AMD1: variants seen among roughly 807,000 people sequenced by gnomAD.
The protein encoded by AMD1 is adenosylmethionine decarboxylase 1.
AMD1 carries 11 observed loss-of-function variants against 40.2 expected under a neutral mutation model. The observed-to-expected ratio is 0.27, with a 90% confidence interval of 0.17 to 0.45. The LOEUF is 0.45. Ranked by LOEUF, AMD1 falls within the 20% of genes least tolerant of loss-of-function variation. The pLI, the probability that AMD1 is intolerant of heterozygous loss-of-function variation, is 1.00. For missense variants in AMD1, 257 were observed against 410.2 expected (o/e 0.63, Z 3.23); for synonymous variants, 121 against 130.8 (o/e 0.93, Z 0.51).
At chr6:110,885,831 T>C (rs967879982) in intron 1 of AMD1, among the ~76,000 whole-genome samples, 1 of 152,220 alleles carries the variant, frequency 6.6e-6, no homozygotes, top group Admixed American at 6.5e-5. Context: ...AGTAACAGTT[T>C]CTTGTAGCAA....
At chr6:110,847,352 C>T in the AMD1 span, among the ~76,000 whole-genome samples, 3 of 151,896 alleles carry the variant, frequency 2.0e-5, no homozygotes, top group East Asian at 1.9e-4. Context: ...GGTGAAACCC[C>T]GTCTCTACTA....
At chr6:110,860,881 A>AGAG in the AMD1 span, among the ~76,000 whole-genome samples, 1 of 150,466 alleles carries the variant, frequency 6.6e-6, no homozygotes. Context: ...AGAGAGAGAG[A>AGAG]ACAATCACAT....
upstream of AMD1, chr6:110,874,739 T>TG (rs765897162): frequency 3.7e-4 from 62 of 166,242 alleles, no homozygotes; most frequent in East Asian, 1.2e-3. Flanking sequence ...CCTGGTCTTT[T>TG]GGGGGGAGCC....
At chr6:110,816,591 A>C in the AMD1 span, among the ~76,000 whole-genome samples, 1 of 152,358 alleles carries the variant, frequency 6.6e-6, no homozygotes, top group East Asian at 1.9e-4. Context: ...TTTCTAAAGG[A>C]AATTTTCGTA....
chr6:110,859,917 C>G, the AMD1 span, among the ~76,000 whole-genome samples: 1 of 152,174 alleles, frequency 6.6e-6, no homozygotes, highest in Non-Finnish European at 1.5e-5. Context: ...GCACCTCCAC[C>G]TCCCTGGCTC....
the AMD1 span, among the ~76,000 whole-genome samples, chr6:110,816,292 T>C: frequency 6.6e-6 from 1 of 152,218 alleles, no homozygotes; most frequent in East Asian, 1.9e-4. Flanking sequence ...GGTTGAATTG[T>C]AAAGGATTTT....
the AMD1 span, among the ~76,000 whole-genome samples, chr6:110,831,890 C>T: frequency 6.6e-6 from 1 of 152,116 alleles, no homozygotes; most frequent in Non-Finnish European, 1.5e-5. Flanking sequence ...GTCACCCAGG[C>T]TGAAGTGCAA....
chr6:110,830,567 T>C, the AMD1 span, among the ~76,000 whole-genome samples: 1 of 152,230 alleles, frequency 6.6e-6, no homozygotes, highest in African/African-American at 2.4e-5. Context: ...AATTTGCATG[T>C]GATTAAAACT....
At chr6:110,837,172 C>CAAAAAA in the AMD1 span, among the ~76,000 whole-genome samples, 2 of 23,906 alleles carry the variant, frequency 8.4e-5, 1 homozygote, top group African/African-American at 2.8e-4. Context: ...CAGAGCGTCT[C>CAAAAAA]AAAAAAAAAA....
At chr6:110,845,109 AG>A in the AMD1 span, among the ~76,000 whole-genome samples, 1 of 135,182 alleles carries the variant, frequency 7.4e-6, no homozygotes, top group African/African-American at 2.9e-5. Flanking sequence ...GCATGATCTC[AG>A]CTCACTGCAA....
the AMD1 span, among the ~76,000 whole-genome samples, chr6:110,849,172 G>C: frequency 6.6e-6 from 1 of 152,166 alleles, no homozygotes; most frequent in Non-Finnish European, 1.5e-5. Context: ...ATGGTATCTG[G>C]AGTTAAAGGT....
At chr6:110,886,789 C>A (rs1052102588) in intron 1 of AMD1, among the ~76,000 whole-genome samples, 5 of 152,156 alleles carry the variant, frequency 3.3e-5, no homozygotes, top group Admixed American at 6.6e-5. Context: ...TAATATCTGT[C>A]ATGTTAAGCT....
At chr6:110,830,067 T>G in the AMD1 span, among the ~76,000 whole-genome samples, 1 of 151,928 alleles carries the variant, frequency 6.6e-6, no homozygotes, top group Admixed American at 6.6e-5. Flanking sequence ...CAGGCTGGAG[T>G]GCAGTGGCGC....
intron 1 of AMD1, among the ~76,000 whole-genome samples, chr6:110,877,471 C>T (rs376787815): frequency 7.9e-5 from 12 of 152,334 alleles, no homozygotes; most frequent in African/African-American, 2.9e-4. Flanking sequence ...GGACATGGGG[C>T]CAGCCCCAGA....
the AMD1 span, among the ~76,000 whole-genome samples, chr6:110,829,342 G>A: frequency 6.6e-6 from 1 of 150,390 alleles, no homozygotes; most frequent in Non-Finnish European, 1.5e-5. Flanking sequence ...GAACAGCCTG[G>A]GCAACATGAC....
chr6:110,852,982 C>CT, the AMD1 span, among the ~76,000 whole-genome samples: 13,186 of 111,426 alleles, frequency 0.12, 1,007 homozygotes, highest in African/African-American at 0.18. Context: ...TAATTAAGCA[C>CT]TTTTTTTTTT....
chr6:110,817,017 T>C, the AMD1 span, among the ~76,000 whole-genome samples: 3 of 152,234 alleles, frequency 2.0e-5, no homozygotes, highest in African/African-American at 4.8e-5. Context: ...ACCTGACTGG[T>C]ATCAATTTAG....
chr6:110,819,492 A>G, the AMD1 span, among the ~76,000 whole-genome samples: 1 of 152,256 alleles, frequency 6.6e-6, no homozygotes, highest in Non-Finnish European at 1.5e-5. Context: ...GGACTAAAGG[A>G]GAGGGAAGAA....
chr6:110,834,839 C>A, the AMD1 span, among the ~76,000 whole-genome samples: 1 of 150,790 alleles, frequency 6.6e-6, no homozygotes, highest in African/African-American at 2.4e-5. Context: ...ATCCCAGCTA[C>A]TTGGGAGGCT....
Sources: gnomAD v4.1 joint callset for allele counts (sites outside exome capture counted in the v4.1 genomes callset) on GRCh38, gnomAD v4.1.1 for gene constraint, MANE v1.5 for transcripts, NCBI Gene and HGNC (gene_info 2026-07-23, HGNC 2026-07-21) for gene names.